RYR2: variants seen among roughly 807,000 people sequenced by gnomAD.
RYR2 encodes the protein ryanodine receptor 2, also known as cardiac muscle ryanodine receptor-calcium release channel.
In RYR2, 227 loss-of-function variants were observed where a neutral mutation model predicts 601.1. The ratio of observed to expected loss-of-function variants is 0.38; its 90% CI spans 0.34 to 0.42. RYR2 has a LOEUF of 0.42. Among genes scored for constraint, RYR2 ranks in the 10% least tolerant of loss-of-function variants. RYR2 has a pLI of 1.00. For missense variants in RYR2, 4,646 were observed against 6,156.5 expected (o/e 0.75, Z 8.21); for synonymous variants, 2,223 against 2,175.1 (o/e 1.02, Z -0.61).
intron 53 of RYR2, among the ~76,000 whole-genome samples, chr1:237,656,589 C>T (rs893547297): frequency 6.6e-6 from 1 of 152,150 alleles, no homozygotes; most frequent in Non-Finnish European, 1.5e-5. Context: ...TTAAGTAGGA[C>T]CATGGTTCTC....
At chr1:237,185,016 T>C (rs952670181) in intron 1 of RYR2, among the ~76,000 whole-genome samples, 1 of 151,918 alleles carries the variant, frequency 6.6e-6, no homozygotes, top group East Asian at 1.9e-4. Flanking sequence ...ACTGCAGGCA[T>C]GCACCACCAC....
intron 8 of RYR2, among the ~76,000 whole-genome samples, chr1:237,380,570 G>A (rs953886692): frequency 6.0e-5 from 9 of 150,806 alleles, no homozygotes; most frequent in East Asian, 2.0e-4. Context: ...AACAAGGCTC[G>A]TAGTTCTGTG....
intron 66 of RYR2, among the ~76,000 whole-genome samples, chr1:237,703,265 G>A (rs1418261488): frequency 6.6e-6 from 1 of 151,654 alleles, no homozygotes; most frequent in African/African-American, 2.4e-5. Context: ...TTCCTCATTT[G>A]TTCCTTACTC....
At chr1:237,442,383 A>T (rs1015709108) in intron 13 of RYR2, among the ~76,000 whole-genome samples, 2 of 152,196 alleles carry the variant, frequency 1.3e-5, no homozygotes, top group African/African-American at 4.8e-5. Flanking sequence ...AACCATCCAC[A>T]TACCCTTGAA....
At chr1:237,561,616 A>G (rs931425360) in intron 27 of RYR2, among the ~76,000 whole-genome samples, 2 of 152,186 alleles carry the variant, frequency 1.3e-5, no homozygotes, top group Non-Finnish European at 2.9e-5. Context: ...AATATAGGGT[A>G]CAGATGGGCA....
intron 80 of RYR2, among the ~76,000 whole-genome samples, chr1:237,749,649 A>C (rs1049283622): frequency 2.2e-4 from 33 of 152,076 alleles, no homozygotes; most frequent in African/African-American, 7.5e-4. Flanking sequence ...TCAGATGTCA[A>C]ATCTACCCTT....
At chr1:237,463,687 A>G (rs1375951501) in intron 16 of RYR2, among the ~76,000 whole-genome samples, 1 of 152,160 alleles carries the variant, frequency 6.6e-6, no homozygotes, top group East Asian at 1.9e-4. Context: ...CAAAAAGATA[A>G]AAGATCTTAA....
intron 1 of RYR2, among the ~76,000 whole-genome samples, chr1:237,252,492 A>G (rs1687557870): frequency 6.6e-6 from 1 of 152,104 alleles, no homozygotes; most frequent in African/African-American, 2.4e-5. Flanking sequence ...CTGACATTAC[A>G]TTTTGTAACT....
intron 26 of RYR2, 121 bp downstream of exon 26, chr1:237,548,711 A>T: frequency 8.2e-7 from 1 of 1,217,842 alleles, no homozygotes; most frequent in Non-Finnish European, 1.1e-6. Flanking sequence ...CATATAGTGC[A>T]CATTTGGACT....
chr1:237,822,196 G>A (rs1407853238), intron 101 of RYR2, among the ~76,000 whole-genome samples: 1 of 152,102 alleles, frequency 6.6e-6, no homozygotes, highest in Non-Finnish European at 1.5e-5. Flanking sequence ...TACTCCTAGA[G>A]AAGAGCAACC....
intron 25 of RYR2, among the ~76,000 whole-genome samples, chr1:237,545,878 A>T (rs1280239385): frequency 1.3e-5 from 2 of 151,876 alleles, no homozygotes; most frequent in Non-Finnish European, 2.9e-5. Flanking sequence ...TGGGCAACAA[A>T]GTGAGACCTT....
At chr1:237,717,056 T>C in intron 71 of RYR2, 142 bp from the exon 72 acceptor site, 1 of 667,160 alleles carries the variant, frequency 1.5e-6, no homozygotes, top group Non-Finnish European at 2.5e-6. Flanking sequence ...AAGAGAAAAA[T>C]TATTCTCAAA....
At chr1:237,284,679 T>C (rs76888597) in intron 2 of RYR2, among the ~76,000 whole-genome samples, 61,010 of 112,480 alleles carry the variant, frequency 0.54, 14,071 homozygotes, top group African/African-American at 0.66. Context: ...TATATATATA[T>C]ATGTACACAC....
At chr1:237,826,070 G>A (rs562055610) in intron 101 of RYR2, among the ~76,000 whole-genome samples, 1 of 152,296 alleles carries the variant, frequency 6.6e-6, no homozygotes, top group South Asian at 2.1e-4. Context: ...GTTTGTGGGA[G>A]TGTAAATTAG....
At chr1:237,718,347 A>T in intron 72 of RYR2, 115 bp from the exon 73 acceptor site, 1 of 509,490 alleles carries the variant, frequency 2.0e-6, no homozygotes. Flanking sequence ...ATGTAATTTT[A>T]TAAAGATGTT....
intron 1 of RYR2, among the ~76,000 whole-genome samples, chr1:237,091,139 G>A (rs1409180042): frequency 2.0e-5 from 3 of 152,092 alleles, no homozygotes; most frequent in Non-Finnish European, 4.4e-5. Flanking sequence ...AATGTGGCTT[G>A]GGACATGGAC....
intron 16 of RYR2, among the ~76,000 whole-genome samples, chr1:237,467,866 T>G (rs985076849): frequency 6.6e-6 from 1 of 151,232 alleles, no homozygotes; most frequent in Non-Finnish European, 1.5e-5. Context: ...TGCTTTTTTT[T>G]TTTTTTTTTT....
chr1:237,641,635 AG>A (rs543454499), intron 47 of RYR2, among the ~76,000 whole-genome samples: 23 of 151,480 alleles, frequency 1.5e-4, no homozygotes, highest in Non-Finnish European at 2.4e-4. Context: ...TATGCCTCCC[AG>A]GTTCAAGTGA....
chr1:237,227,684 G>T (rs1004320960), intron 1 of RYR2, among the ~76,000 whole-genome samples: 2 of 152,204 alleles, frequency 1.3e-5, no homozygotes, highest in African/African-American at 4.8e-5. Context: ...TGCAGTGTGA[G>T]TGTGGATGTG....
Sources: gnomAD v4.1 joint callset for allele counts (sites outside exome capture counted in the v4.1 genomes callset) on GRCh38, gnomAD v4.1.1 for gene constraint, MANE v1.5 for transcripts, NCBI Gene and HGNC (gene_info 2026-07-23, HGNC 2026-07-21) for gene names.